Variants in SSBP3 observed in about 807,000 individuals in gnomAD.
SSBP3 encodes the protein single-stranded DNA-binding protein 3.
In SSBP3, 5 loss-of-function variants were observed where a neutral mutation model predicts 69.6. The ratio of observed to expected loss-of-function variants is 0.07; its 90% CI spans 0.04 to 0.15. SSBP3 has a LOEUF of 0.15. SSBP3 is among the 10% of genes least tolerant of loss of function. The pLI, the probability that SSBP3 is intolerant of heterozygous loss-of-function variation, is 1.00. For missense variants in SSBP3, 312 were observed against 534.0 expected (o/e 0.58, Z 4.10); for synonymous variants, 196 against 193.4 (o/e 1.01, Z -0.11).
At chr1:54,359,629 G>A (rs1266011467) in intron 4 of SSBP3, among the ~76,000 whole-genome samples, 1 of 152,124 alleles carries the variant, frequency 6.6e-6, no homozygotes, top group Admixed American at 6.5e-5. Context: ...GGCTGTAGAG[G>A]TCACTGTGTT....
intron 4 of SSBP3, among the ~76,000 whole-genome samples, chr1:54,388,078 CA>C (rs1453378354): frequency 6.6e-6 from 1 of 152,126 alleles, no homozygotes; most frequent in Admixed American, 6.5e-5. Context: ...AATAAGTTAA[CA>C]GTCAAAATAG....
At chr1:54,307,509 G>C (rs1248127431) in intron 4 of SSBP3, among the ~76,000 whole-genome samples, 1 of 152,156 alleles carries the variant, frequency 6.6e-6, no homozygotes, top group Non-Finnish European at 1.5e-5. Flanking sequence ...CAGGGACCTT[G>C]TCTTAATTGA....
At chr1:54,249,279 G>A (rs896249903) in intron 9 of SSBP3, among the ~76,000 whole-genome samples, 1 of 152,204 alleles carries the variant, frequency 6.6e-6, no homozygotes, top group Non-Finnish European at 1.5e-5. Flanking sequence ...GAAAGAAGAA[G>A]AAATTAAAAG....
At chr1:54,389,022 C>T (rs1648285660) in intron 4 of SSBP3, among the ~76,000 whole-genome samples, 1 of 152,174 alleles carries the variant, frequency 6.6e-6, no homozygotes, top group South Asian at 2.1e-4. Flanking sequence ...TGAGGCATTG[C>T]TAATATTGTT....
At chr1:54,375,970 G>C (rs2100699385) in intron 4 of SSBP3, among the ~76,000 whole-genome samples, 1 of 152,278 alleles carries the variant, frequency 6.6e-6, no homozygotes, top group Admixed American at 6.5e-5. Context: ...AGAGGAAGGA[G>C]AGGGATAAGT....
chr1:54,363,471 C>T (rs1159399436), intron 4 of SSBP3, among the ~76,000 whole-genome samples: 1 of 152,180 alleles, frequency 6.6e-6, no homozygotes. Context: ...TCTGATGCCA[C>T]ATCGGACAGT....
intron 4 of SSBP3, among the ~76,000 whole-genome samples, chr1:54,398,984 AG>A (rs1649094843): frequency 6.6e-6 from 1 of 152,352 alleles, no homozygotes; most frequent in East Asian, 1.9e-4. Flanking sequence ...AAAGTAGTTA[AG>A]GCAACTAGTT....
In SSBP3 at chr1:54,273,443, A is replaced by G. The variant is rs1350278797; in HGVS notation, c.366+7995T>C. ...CGCCGAGGCAGCCTGGCACGTCAGG[A>G]GTAACCTTTTGTCCACTGTTGCTAG... On this transcript the variant is annotated intron_variant, in intron 5 of 17. Coordinates refer to ENST00000610401, the Ensembl canonical transcript of SSBP3. 4.6e-5 allele frequency among the ~76,000 whole-genome samples: 7 copies of G among 152,240 alleles called. No individual in the cohort carries two copies. The East Asian group carries it at 1.4e-3, about 29-fold the overall frequency.
intron 4 of SSBP3, among the ~76,000 whole-genome samples, chr1:54,398,186 C>T (rs927654109): frequency 1.3e-5 from 2 of 152,194 alleles, no homozygotes; most frequent in African/African-American, 4.8e-5. Flanking sequence ...GGTTCAGTTT[C>T]CTCATCTGTA....
At chr1:54,407,156 G>A (rs1649838688), upstream of SSBP3, among the ~76,000 whole-genome samples, 1 of 152,134 alleles carries the variant, frequency 6.6e-6, no homozygotes, top group Admixed American at 6.5e-5. Context: ...GGGAGCCGGG[G>A]GGGAGGGGGG....
intron 14 of SSBP3, among the ~76,000 whole-genome samples, chr1:54,229,818 G>A (rs1644351497): frequency 6.6e-6 from 1 of 152,196 alleles, no homozygotes; most frequent in South Asian, 2.1e-4. Context: ...CACAGACGCA[G>A]AGCTGAGTCA....
At chr1:54,322,441 TG>T (rs1344093145) in intron 4 of SSBP3, among the ~76,000 whole-genome samples, 33 of 152,118 alleles carry the variant, frequency 2.2e-4, no homozygotes, top group Non-Finnish European at 4.6e-4. Context: ...CAGAACTTTT[TG>T]GGAGTTCTTG....
At chr1:54,370,759 C>T (rs1250053029) in intron 4 of SSBP3, among the ~76,000 whole-genome samples, 3 of 152,150 alleles carry the variant, frequency 2.0e-5, no homozygotes, top group East Asian at 3.9e-4. Flanking sequence ...GAGTGGCCCT[C>T]AGGCACTACA....
chr1:54,294,033 G>A (rs181705076), intron 4 of SSBP3, among the ~76,000 whole-genome samples: 3 of 150,992 alleles, frequency 2.0e-5, no homozygotes, highest in Admixed American at 6.6e-5. Context: ...CCAGCTACTC[G>A]GGAGGCTGAA....
At chr1:54,337,923 G>A (rs1646539241) in intron 4 of SSBP3, among the ~76,000 whole-genome samples, 1 of 152,158 alleles carries the variant, frequency 6.6e-6, no homozygotes, top group Non-Finnish European at 1.5e-5. Context: ...GAGCCCAGTA[G>A]TTCAAGACCA....
chr1:54,290,564 G>A (rs1387540293), intron 4 of SSBP3, among the ~76,000 whole-genome samples: 1 of 152,250 alleles, frequency 6.6e-6, no homozygotes, highest in Non-Finnish European at 1.5e-5. Flanking sequence ...GGAAGTCTGA[G>A]GCCACCATAC....
intron 4 of SSBP3, among the ~76,000 whole-genome samples, chr1:54,391,582 G>A (rs995411898): frequency 5.3e-5 from 8 of 152,198 alleles, no homozygotes; most frequent in African/African-American, 1.9e-4. Context: ...TTGTGACTGG[G>A]AAAGAAGGAT....
intron 4 of SSBP3, chr1:54,356,484 G>C (rs1646868222): frequency 6.6e-6 from 1 of 152,204 alleles, no homozygotes; most frequent in Non-Finnish European, 1.5e-5. Flanking sequence ...AACTGTGCCT[G>C]CCCCTCCCGG....
chr1:54,335,958 G>A (rs1272664531), intron 4 of SSBP3: 1 of 152,426 alleles, frequency 6.6e-6, no homozygotes, highest in East Asian at 1.9e-4. Flanking sequence ...GATGTCACAG[G>A]ACAAGCATGG....
Sources: allele counts gnomAD v4.1 joint callset (sites outside exome capture counted in the v4.1 genomes callset), GRCh38; gene constraint gnomAD v4.1.1; transcripts MANE v1.5; gene names NCBI Gene and HGNC (gene_info 2026-07-23, HGNC 2026-07-21).